GALNT17: variants seen among roughly 807,000 people sequenced by gnomAD.
GALNT17 encodes polypeptide N-acetylgalactosaminyltransferase 17.
Under a neutral mutation model 63.7 loss-of-function variants are expected in GALNT17, and 29 were observed. That is an observed-to-expected ratio of 0.46 (90% CI 0.34 to 0.62). GALNT17 has a LOEUF of 0.62. Ranked by LOEUF, GALNT17 falls within the 20% of genes least tolerant of loss-of-function variation. The probability of loss-of-function intolerance (pLI) is 0.01; values close to 1 mark genes in which losing one functional copy is unlikely to be tolerated. For synonymous variants in GALNT17, 305 were observed against 318.3 expected (o/e 0.96, Z 0.45); for missense variants, 603 against 799.6 (o/e 0.75, Z 2.97).
At chr7:71,372,770 T>C (rs1792648436) in intron 2 of GALNT17, among the ~76,000 whole-genome samples, 1 of 152,230 alleles carries the variant, frequency 6.6e-6, no homozygotes, top group Non-Finnish European at 1.5e-5. Flanking sequence ...TATATTAGCT[T>C]TATATTGGAT....
chr7:71,333,756 G>T (rs1791848499), intron 1 of GALNT17, among the ~76,000 whole-genome samples: 2 of 152,142 alleles, frequency 1.3e-5, no homozygotes, highest in South Asian at 4.1e-4. Flanking sequence ...CTCCCAAAGT[G>T]CTGGGATTAC....
intron 1 of GALNT17, among the ~76,000 whole-genome samples, chr7:71,278,139 T>C (rs993578879): frequency 6.6e-6 from 1 of 152,232 alleles, no homozygotes; most frequent in African/African-American, 2.4e-5. Context: ...TCACTGTGTG[T>C]CAGTTACTAT....
chr7:71,686,782 A>G (rs1228312517), intron 9 of GALNT17, among the ~76,000 whole-genome samples: 1 of 152,078 alleles, frequency 6.6e-6, no homozygotes, highest in Non-Finnish European at 1.5e-5. Context: ...CACATGTTCA[A>G]ACCTAACACG....
At chr7:71,413,978 A>G (rs768367168) in intron 3 of GALNT17, among the ~76,000 whole-genome samples, 1 of 152,120 alleles carries the variant, frequency 6.6e-6, no homozygotes, top group Non-Finnish European at 1.5e-5. Flanking sequence ...ACAGTGGCTC[A>G]TGCCTGTAAT....
intron 2 of GALNT17, among the ~76,000 whole-genome samples, chr7:71,386,129 A>C (rs1255958884): frequency 6.6e-6 from 1 of 152,168 alleles, no homozygotes; most frequent in African/African-American, 2.4e-5. Flanking sequence ...CAGCCCCCAG[A>C]AGTAGATTTA....
At chr7:71,511,952 C>T (rs1395871280) in intron 5 of GALNT17, among the ~76,000 whole-genome samples, 2 of 151,622 alleles carry the variant, frequency 1.3e-5, no homozygotes, top group African/African-American at 4.9e-5. Flanking sequence ...GGAATTTTTC[C>T]TTCTATCTGC....
At chr7:71,445,547 C>A (rs1318215837) in intron 5 of GALNT17, among the ~76,000 whole-genome samples, 1 of 151,954 alleles carries the variant, frequency 6.6e-6, no homozygotes, top group East Asian at 2.0e-4. Flanking sequence ...AGGTTCATCT[C>A]TAAGTTGCTG....
At chr7:71,509,080 T>C (rs1225987506) in intron 5 of GALNT17, among the ~76,000 whole-genome samples, 3 of 152,188 alleles carry the variant, frequency 2.0e-5, no homozygotes, top group African/African-American at 4.8e-5. Flanking sequence ...TTTTCCCACT[T>C]TGCAAGGGTG....
chr7:71,544,113 ATTTCTTT>A (rs1483811482), intron 5 of GALNT17, among the ~76,000 whole-genome samples: 1 of 63,192 alleles, frequency 1.6e-5, no homozygotes, highest in African/African-American at 5.9e-5. Flanking sequence ...TTGAGGCTTG[ATTTCTTT>A]TTTCTTTTTT....
chr7:71,531,770 A>T (rs76160393), intron 5 of GALNT17, among the ~76,000 whole-genome samples: 8,377 of 152,252 alleles, frequency 0.055, 301 homozygotes, highest in East Asian at 0.16. Context: ...CATTTCTTAA[A>T]GATAGTAGAT....
At chr7:71,152,468 C>T (rs1788153047) in intron 1 of GALNT17, among the ~76,000 whole-genome samples, 1 of 152,158 alleles carries the variant, frequency 6.6e-6, no homozygotes, top group Non-Finnish European at 1.5e-5. Context: ...CTTAGCAAAA[C>T]TGCAGTTAGT....
Position 71,194,042 on chromosome 7 carries a change from C to CTTTA in GALNT17, c.238+61018_238+61021dup, listed in dbSNP as rs997791265. ...TAGGTGGTCTCTAACCAATCATCTG[C>CTTTA]TTTATTTATTTATTTATTTTTGAGA... On this transcript the variant is annotated intron_variant, in intron 1 of 10. Coordinates refer to ENST00000333538, the MANE Select transcript of GALNT17 (RefSeq NM_022479.3). Among the ~76,000 whole-genome samples the CTTTA allele has an allele frequency of 2.0e-4, 30 of 152,100 alleles. No homozygotes were observed. In the East Asian group the frequency reaches 4.6e-3, roughly 24 times the overall value.
intron 1 of GALNT17, among the ~76,000 whole-genome samples, chr7:71,262,192 G>A (rs953908059): frequency 7.2e-5 from 11 of 151,896 alleles, no homozygotes; most frequent in Admixed American, 7.2e-4. Context: ...GCTCACTGCA[G>A]CTTCAAACTC....
At chr7:71,294,607 G>A (rs2115839578) in intron 1 of GALNT17, among the ~76,000 whole-genome samples, 1 of 151,890 alleles carries the variant, frequency 6.6e-6, no homozygotes, top group South Asian at 2.1e-4. Context: ...TGGAAATGGA[G>A]TTTCACCATA....
chr7:71,504,540 A>G (rs1788234481), intron 5 of GALNT17, among the ~76,000 whole-genome samples: 1 of 151,988 alleles, frequency 6.6e-6, no homozygotes, highest in South Asian at 2.1e-4. Flanking sequence ...TACATAGTTT[A>G]CTTGCATATT....
chr7:71,372,127 C>T (rs1004230305), intron 2 of GALNT17, among the ~76,000 whole-genome samples: 6 of 152,118 alleles, frequency 3.9e-5, no homozygotes, highest in Non-Finnish European at 8.8e-5. Flanking sequence ...ACTACAGGCA[C>T]GCACCACCAT....
chr7:71,209,605 C>T (rs1309044566), intron 1 of GALNT17, among the ~76,000 whole-genome samples: 1 of 152,180 alleles, frequency 6.6e-6, no homozygotes. Context: ...AAGCGATTCT[C>T]CCACCTCAGC....
At chr7:71,563,294 T>A (rs1329790494) in intron 5 of GALNT17, among the ~76,000 whole-genome samples, 6 of 152,214 alleles carry the variant, frequency 3.9e-5, no homozygotes, top group African/African-American at 1.4e-4. Flanking sequence ...GCAAGTGGTA[T>A]CAACTGCAGC....
At chr7:71,669,721 C>T (rs1430915122) in intron 7 of GALNT17, among the ~76,000 whole-genome samples, 1 of 151,900 alleles carries the variant, frequency 6.6e-6, no homozygotes, top group African/African-American at 2.4e-5. Context: ...ACCACCATGC[C>T]CAGCTAATTT....
Sources: allele counts gnomAD v4.1 joint callset (sites outside exome capture counted in the v4.1 genomes callset), GRCh38; gene constraint gnomAD v4.1.1; transcripts MANE v1.5; gene names NCBI Gene and HGNC (gene_info 2026-07-23, HGNC 2026-07-21).